PDZRN4: variants seen among roughly 807,000 people sequenced by gnomAD.
PDZRN4 encodes the protein PDZ domain containing ring finger 4.
Under a neutral mutation model 99.0 loss-of-function variants are expected in PDZRN4, and 70 were observed. That is an observed-to-expected ratio of 0.71 (90% CI 0.58 to 0.86). The LOEUF (loss-of-function observed/expected upper bound fraction) is 0.86, where lower values mean the gene tolerates loss of function less well. Ranked by LOEUF, PDZRN4 falls within the 40% of genes least tolerant of loss-of-function variation. The pLI is 0.00. For synonymous variants in PDZRN4, 551 were observed against 501.6 expected (o/e 1.10, Z -1.32); for missense variants, 1,474 against 1,331.2 (o/e 1.11, Z -1.67).
At position 41,188,994 on chromosome 12, in the gene PDZRN4, C is replaced by A; in HGVS notation, c.539C>A (p.Ala180Glu). 6.5e-7 allele frequency: 1 copy of A among 1,536,470 alleles called. No homozygotes were observed. Among genetic ancestry groups the A allele is most frequent in the Non-Finnish European group, 8.7e-7 (1 of 1,148,186 alleles). The change falls in exon 1 of 10, where the codon GCG becomes GAG. Residue 180 changes from alanine to glutamate, a missense_variant. Transcript: ENST00000402685. ...AAGGCGCTGCTGGCGCAGCTCTGGG[C>A]GCTGCAGGGCGAGGTGCAGCTCACG... ...REKALLAQLW[A>E]LQGEVQLTAR...
chr12:41,555,346 T>C (rs1438856565), intron 6 of PDZRN4, among the ~76,000 whole-genome samples: 1 of 150,586 alleles, frequency 6.6e-6, no homozygotes, highest in Non-Finnish European at 1.5e-5. Flanking sequence ...TACCATCACC[T>C]CATGTCAACT....
intron 3 of PDZRN4, among the ~76,000 whole-genome samples, chr12:41,506,149 C>A (rs909574937): frequency 6.6e-6 from 1 of 151,886 alleles, no homozygotes; most frequent in African/African-American, 2.4e-5. Context: ...TATCTGAAGA[C>A]TTCGGTGACC....
At chr12:41,509,952 A>G in intron 5 of PDZRN4, 39 bp downstream of exon 5, 1 of 984,806 alleles carries the variant, frequency 1.0e-6, no homozygotes, top group Non-Finnish European at 1.6e-6. Flanking sequence ...TTCTTCATGA[A>G]GTTACGGTTG....
chr12:41,353,482 T>C (rs1473409208), intron 3 of PDZRN4, among the ~76,000 whole-genome samples: 1 of 152,086 alleles, frequency 6.6e-6, no homozygotes, highest in African/African-American at 2.4e-5. Context: ...AGACATAAGT[T>C]CAGCTAAAGT....
chr12:41,188,495 C>A lies in PDZRN4; in HGVS notation c.40C>A (p.Pro14Thr), dbSNP rs1384372952. The A allele has an allele frequency of 4.4e-6, 7 of 1,591,162 alleles. No homozygotes were observed. The highest frequency in any genetic ancestry group is 5.9e-6 in the Non-Finnish European group (7 of 1,176,590). Reference sequence around the variant, plus strand: ...GGAGCGCTTCGCAGAAGCCGTGGACCCGGCTCTGGAGTGCAAACTGTGCGG... The same window carrying A: ...GGAGCGCTTCGCAGAAGCCGTGGACACGGCTCTGGAGTGCAAACTGTGCGG... ...ALERFAEAVD[P>T]ALECKLCGQV... Residue 14 changes from proline to threonine, a missense_variant, in exon 1 of 10, where the codon CCG (proline) becomes ACG (threonine). By Grantham distance (38) the Pro-to-Thr change is conservative. Coordinates refer to ENST00000402685, the MANE Select transcript of PDZRN4 (RefSeq NM_001164595.2).
chr12:41,458,400 G>A (rs927521604), intron 3 of PDZRN4, among the ~76,000 whole-genome samples: 3 of 152,094 alleles, frequency 2.0e-5, no homozygotes, highest in Non-Finnish European at 4.4e-5. Context: ...CAGGTGATCC[G>A]CCTGCCTTGG....
chr12:41,488,030 T>C (rs2120619162), intron 3 of PDZRN4, among the ~76,000 whole-genome samples: 1 of 152,314 alleles, frequency 6.6e-6, no homozygotes, highest in South Asian at 2.1e-4. Flanking sequence ...GCATCCAAAA[T>C]AACAGTATGC....
At chr12:41,438,236 T>C (rs1952648045) in intron 3 of PDZRN4, among the ~76,000 whole-genome samples, 1 of 152,214 alleles carries the variant, frequency 6.6e-6, no homozygotes, top group Admixed American at 6.5e-5. Flanking sequence ...TTTAACATTT[T>C]GTGTATCTAC....
rs1950718238 is a variant in PDZRN4 at position 41,189,104 on chromosome 12, G to A, written c.648+1G>A. On this transcript the variant is annotated splice_donor_variant, in intron 1 of 9. Transcript: ENST00000402685. LOFTEE classifies it high-confidence loss of function. Reference sequence around the variant, plus strand: ...CGACCTCGGTGGCGGCCACCGCAGGGTAAGCAAAGGGGGGTGGGCACCGCG... The same window carrying A: ...CGACCTCGGTGGCGGCCACCGCAGGATAAGCAAAGGGGGGTGGGCACCGCG... The A allele has an allele frequency of 6.3e-7, 1 of 1,579,046 alleles. No individual in the cohort carries two copies.
At chr12:41,286,336 C>CTTCTTTTTTTTTTTTT (rs1951422283) in intron 3 of PDZRN4, among the ~76,000 whole-genome samples, 1 of 106,298 alleles carries the variant, frequency 9.4e-6, no homozygotes, top group Admixed American at 1.0e-4. Context: ...CCTTCTTCTT[C>CTTCTTTTTTTTTTTTT]TTTTTTTTTT....
intron 3 of PDZRN4, among the ~76,000 whole-genome samples, chr12:41,196,711 G>T (rs966441190): frequency 6.6e-6 from 1 of 151,938 alleles, no homozygotes; most frequent in Non-Finnish European, 1.5e-5. Flanking sequence ...TAGTTTCTCT[G>T]TCATTATGAT....
intron 3 of PDZRN4, among the ~76,000 whole-genome samples, chr12:41,235,178 A>G (rs1011696167): frequency 6.6e-6 from 1 of 152,140 alleles, no homozygotes; most frequent in African/African-American, 2.4e-5. Context: ...TGTTGTTCAG[A>G]TATAAACTTT....
At chr12:41,236,904 T>C (rs1951071577) in intron 3 of PDZRN4, among the ~76,000 whole-genome samples, 1 of 152,124 alleles carries the variant, frequency 6.6e-6, no homozygotes, top group African/African-American at 2.4e-5. Context: ...TTTTATTTTA[T>C]GTGTGGGGTT....
At chr12:41,312,657 C>A (rs1951614914) in intron 3 of PDZRN4, among the ~76,000 whole-genome samples, 1 of 152,096 alleles carries the variant, frequency 6.6e-6, no homozygotes, top group Admixed American at 6.6e-5. Flanking sequence ...GGGAACTCCC[C>A]TTTATAAAAC....
intron 3 of PDZRN4, among the ~76,000 whole-genome samples, chr12:41,340,801 A>G (rs1044412176): frequency 2.6e-5 from 4 of 151,928 alleles, no homozygotes; most frequent in African/African-American, 9.7e-5. Flanking sequence ...TTTAAAGAAG[A>G]ACTAATACTA....
chr12:41,399,460 C>T (rs564897732), intron 3 of PDZRN4, among the ~76,000 whole-genome samples: 5 of 152,268 alleles, frequency 3.3e-5, no homozygotes, highest in African/African-American at 9.6e-5. Context: ...ATTGGCTGGG[C>T]TCAGTGGCTC....
At chr12:41,504,658 T>C (rs1293579105) in intron 3 of PDZRN4, among the ~76,000 whole-genome samples, 1 of 152,194 alleles carries the variant, frequency 6.6e-6, no homozygotes, top group Non-Finnish European at 1.5e-5. Context: ...GCACCTGTCA[T>C]ACAGCAGAAG....
rs192404656 is a variant in PDZRN4 at position 41,467,964 on chromosome 12, C to A, written c.844-38492C>A. On this transcript the variant is annotated intron_variant, in intron 3 of 9. Transcript: ENST00000402685. ...CCTGCTGTAACTTTTGATAGTCTTA[C>A]ATTCACTCAACAAACAAGTATTGAA... Among the ~76,000 whole-genome samples the A allele has an allele frequency of 9.2e-5, 14 of 152,310 alleles. No homozygotes were observed. The East Asian group carries it at 2.5e-3, about 27-fold the overall frequency.
chr12:41,341,774 C>T (rs1326588852), intron 3 of PDZRN4, among the ~76,000 whole-genome samples: 3 of 151,884 alleles, frequency 2.0e-5, no homozygotes, highest in African/African-American at 7.2e-5. Context: ...GCCATACTAC[C>T]CAAAGTGATC....
Sources: allele counts gnomAD v4.1 joint callset (sites outside exome capture counted in the v4.1 genomes callset), GRCh38; gene constraint gnomAD v4.1.1; transcripts MANE v1.5; gene names NCBI Gene and HGNC (gene_info 2026-07-23, HGNC 2026-07-21).